BCAS4: variants seen among roughly 807,000 people sequenced by gnomAD.
BCAS4 encodes the protein breast carcinoma-amplified sequence 4.
BCAS4 carries 9 observed loss-of-function variants against 15.7 expected under a neutral mutation model. That is an observed-to-expected ratio of 0.57 (90% confidence interval 0.34 to 1.00). The LOEUF (loss-of-function observed/expected upper bound fraction) is 1.00, where lower values mean the gene tolerates loss of function less well. Ranked by LOEUF, BCAS4 falls within the 50% of genes least tolerant of loss-of-function variation. The pLI is 0.02. For synonymous variants in BCAS4, 101 were observed against 99.5 expected (o/e 1.02, Z -0.09); for missense variants, 225 against 239.1 (o/e 0.94, Z 0.39).
At chr20:50,868,520 T>C (rs2122671327) in intron 4 of BCAS4, among the ~76,000 whole-genome samples, 1 of 152,282 alleles carries the variant, frequency 6.6e-6, no homozygotes, top group Non-Finnish European at 1.5e-5. Flanking sequence ...CCTCCAGGGC[T>C]CAAGCGATCC....
chr20:50,812,323 C>T (rs148384954), intron 1 of BCAS4, among the ~76,000 whole-genome samples: 1,673 of 151,912 alleles, frequency 0.011, 40 homozygotes, highest in African/African-American at 0.037. Flanking sequence ...TTAGTAGAGA[C>T]GGGGTTTCAC....
chr20:50,858,695 G>C (rs1031273072), intron 4 of BCAS4, among the ~76,000 whole-genome samples: 2 of 146,778 alleles, frequency 1.4e-5, no homozygotes, highest in African/African-American at 5.0e-5. Flanking sequence ...GTTCAGTACA[G>C]ATACAACCAT....
intron 2 of BCAS4, among the ~76,000 whole-genome samples, chr20:50,821,587 T>G (rs2088217335): frequency 6.6e-6 from 1 of 152,212 alleles, no homozygotes; most frequent in South Asian, 2.1e-4. Context: ...TAGGGTCCTC[T>G]AGGAGCAGGT....
intron 4 of BCAS4, among the ~76,000 whole-genome samples, chr20:50,865,148 CACTT>C (rs1250560500): frequency 6.6e-6 from 1 of 152,162 alleles, no homozygotes; most frequent in South Asian, 2.1e-4. Flanking sequence ...GGTGATGAGA[CACTT>C]ACAGTCAGTG....
intron 4 of BCAS4, among the ~76,000 whole-genome samples, chr20:50,854,743 G>A (rs1044409459): frequency 5.3e-5 from 8 of 152,140 alleles, no homozygotes; most frequent in African/African-American, 1.9e-4. Flanking sequence ...CTCTCTGGAG[G>A]GGCTGATTGT....
intron 1 of BCAS4, among the ~76,000 whole-genome samples, chr20:50,803,738 A>G (rs2087956119): frequency 6.7e-6 from 1 of 148,532 alleles, no homozygotes; most frequent in African/African-American, 2.5e-5. Context: ...CCAGCTTCTG[A>G]GCTGTGATCG....
intron 4 of BCAS4, among the ~76,000 whole-genome samples, chr20:50,859,234 G>A (rs946517570): frequency 2.0e-5 from 3 of 152,148 alleles, no homozygotes; most frequent in Non-Finnish European, 4.4e-5. Context: ...GAGCGACCAC[G>A]CCTAGCCTCG....
intron 1 of BCAS4, among the ~76,000 whole-genome samples, chr20:50,807,717 C>T (rs1474700660): frequency 5.3e-5 from 8 of 152,108 alleles, no homozygotes; most frequent in African/African-American, 1.4e-4. Flanking sequence ...TATGCCTTTG[C>T]GTCCTCATAG....
intron 3 of BCAS4, among the ~76,000 whole-genome samples, chr20:50,832,363 T>G (rs1026129094): frequency 1.1e-4 from 16 of 152,100 alleles, no homozygotes; most frequent in African/African-American, 3.9e-4. Flanking sequence ...GTTCAAGTGA[T>G]TCTCCTGCCT....
intron 4 of BCAS4, among the ~76,000 whole-genome samples, chr20:50,848,938 G>C (rs2088578450): frequency 6.6e-6 from 1 of 152,278 alleles, no homozygotes; most frequent in Admixed American, 6.5e-5. Flanking sequence ...CATCAGCCCA[G>C]CGCCTGCTTG....
At chr20:50,799,858 C>A (rs1181430347) in intron 1 of BCAS4, among the ~76,000 whole-genome samples, 1 of 152,108 alleles carries the variant, frequency 6.6e-6, no homozygotes, top group African/African-American at 2.4e-5. Context: ...GAGTTCGAGA[C>A]CAGCCTGGGC....
At chr20:50,875,425 C>G (rs963421397) in intron 4 of BCAS4, among the ~76,000 whole-genome samples, 1 of 152,058 alleles carries the variant, frequency 6.6e-6, no homozygotes, top group African/African-American at 2.4e-5. Flanking sequence ...TAGCACATGC[C>G]TATGGCAGGA....
At chr20:50,821,014 C>T (rs570774677) in intron 2 of BCAS4, among the ~76,000 whole-genome samples, 1 of 152,172 alleles carries the variant, frequency 6.6e-6, no homozygotes, top group Non-Finnish European at 1.5e-5. Flanking sequence ...GTACTCATTC[C>T]TACCTTGCAA....
chr20:50,795,127 G>C lies in BCAS4; in HGVS notation c.44G>C (p.Gly15Ala), dbSNP rs1569012108. 1.3e-6 allele frequency: 2 copies of C among 1,484,114 alleles called. No individual in the cohort carries two copies. Among genetic ancestry groups the C allele is most frequent in the East Asian group, 2.8e-5 (1 of 35,918 alleles). 91.9% of individuals were successfully genotyped at this position (1,484,114 alleles called of 1,614,324 possible). A position where few individuals can be genotyped will look rare whatever the true frequency, so the allele number is the denominator to read the frequency against. ...GATCAGCCGGAGCCCATGCGCAGCG[G>C]GGCGCGCGAGCTCGCGCTCTTCCTG... Reference protein sequence around the residue: ...DADQPEPMRSGARELALFLTP... With the variant: ...DADQPEPMRSAARELALFLTP... The change falls in exon 1 of 5, where the codon GGG becomes GCG. Residue 15 changes from glycine (G) to alanine (A), a missense_variant. Physicochemically the swap from Gly to Ala is moderately conservative, Grantham distance 60 (BLOSUM62 0). Coordinates refer to ENST00000371608, the MANE Select transcript of BCAS4 (RefSeq NM_198799.4).
At chr20:50,871,703 C>T (rs57561916) in intron 4 of BCAS4, among the ~76,000 whole-genome samples, 2,151 of 152,286 alleles carry the variant, frequency 0.014, 46 homozygotes, top group African/African-American at 0.049. Context: ...TCCTTCTGTG[C>T]GGGGTTCATT....
intron 2 of BCAS4, among the ~76,000 whole-genome samples, chr20:50,823,420 G>A (rs557032941): frequency 6.6e-6 from 1 of 151,738 alleles, no homozygotes; most frequent in Non-Finnish European, 1.5e-5. Context: ...AGTAGAATGA[G>A]TAAAGCAATT....
At chr20:50,842,088 G>A (rs191473028) in intron 4 of BCAS4, among the ~76,000 whole-genome samples, 188 bp downstream of exon 4, 3 of 152,314 alleles carry the variant, frequency 2.0e-5, no homozygotes, top group Admixed American at 6.5e-5. Context: ...GGGCTGTGAC[G>A]GTTCGTGTGC....
intron 4 of BCAS4, among the ~76,000 whole-genome samples, chr20:50,844,271 GTC>G (rs1256512320): frequency 6.6e-6 from 1 of 151,774 alleles, no homozygotes; most frequent in Admixed American, 6.6e-5. Context: ...GCAAGACCTT[GTC>G]TCTACAAAAA....
At chr20:50,871,127 C>A (rs919685884) in intron 4 of BCAS4, among the ~76,000 whole-genome samples, 6 of 152,200 alleles carry the variant, frequency 3.9e-5, no homozygotes, top group Non-Finnish European at 8.8e-5. Flanking sequence ...AAGGTGAAAA[C>A]CCCAGGGTTT....
Sources: gnomAD v4.1 joint callset for allele counts (sites outside exome capture counted in the v4.1 genomes callset) on GRCh38, gnomAD v4.1.1 for gene constraint, MANE v1.5 for transcripts, NCBI Gene and HGNC (gene_info 2026-07-23, HGNC 2026-07-21) for gene names.